The following TENM3 variants were observed in gnomAD, a reference collection of about 807,000 sequenced individuals.
TENM3 encodes teneurin transmembrane protein 3, also known as teneurin-3.
In TENM3, 63 loss-of-function variants were observed where a neutral mutation model predicts 255.1. The ratio of observed to expected loss-of-function variants is 0.25; its 90% CI spans 0.20 to 0.30. The LOEUF (loss-of-function observed/expected upper bound fraction) is 0.30, where lower values mean the gene tolerates loss of function less well. Among genes scored for constraint, TENM3 ranks in the 10% least tolerant of loss-of-function variants. TENM3 has a pLI of 1.00. For synonymous variants in TENM3, 1,306 were observed against 1,322.3 expected (o/e 0.99, Z 0.27); for missense variants, 2,929 against 3,461.1 (o/e 0.85, Z 3.86).
At chr4:182,779,629 G>A (rs986621673) in intron 24 of TENM3, among the ~76,000 whole-genome samples, 6 of 152,106 alleles carry the variant, frequency 3.9e-5, no homozygotes, top group East Asian at 1.9e-4. Flanking sequence ...CTGAGGAATC[G>A]CCACACTGAC....
At chr4:181,668,156 T>C in the TENM3 span, among the ~76,000 whole-genome samples, 11 of 152,174 alleles carry the variant, frequency 7.2e-5, no homozygotes, top group Non-Finnish European at 8.8e-5. Flanking sequence ...TGGATGAATA[T>C]ATGAATATGA....
chr4:181,902,743 A>G, the TENM3 span, among the ~76,000 whole-genome samples: 9 of 152,064 alleles, frequency 5.9e-5, no homozygotes, highest in South Asian at 1.5e-3. Flanking sequence ...GGAGGGGAAC[A>G]TTACATACCA....
chr4:182,094,555 T>C, the TENM3 span, among the ~76,000 whole-genome samples: 1 of 152,206 alleles, frequency 6.6e-6, no homozygotes, highest in African/African-American at 2.4e-5. Context: ...CAGCCAGCCT[T>C]ATTCTTAAAG....
the TENM3 span, among the ~76,000 whole-genome samples, chr4:181,860,869 CT>C: frequency 6.6e-6 from 1 of 152,006 alleles, no homozygotes; most frequent in Non-Finnish European, 1.5e-5. Context: ...ATTCAGCTGG[CT>C]TTGGAGATTT....
chr4:181,849,930 T>TTCTCTCTCTCTCTC, the TENM3 span, among the ~76,000 whole-genome samples: 22 of 84,088 alleles, frequency 2.6e-4, no homozygotes, highest in East Asian at 8.5e-4. Flanking sequence ...CTCTCTCTCT[T>TTCTCTCTCTCTCTC]TCTCTCTCTC....
At chr4:182,428,187 A>G (rs773066610) in intron 3 of TENM3, among the ~76,000 whole-genome samples, 14 of 152,218 alleles carry the variant, frequency 9.2e-5, no homozygotes, top group Non-Finnish European at 1.9e-4. Context: ...GCTTTTGGAA[A>G]GTAAAGATTT....
At chr4:182,719,934 G>A (rs996692320) in intron 13 of TENM3, among the ~76,000 whole-genome samples, 21 of 151,898 alleles carry the variant, frequency 1.4e-4, no homozygotes, top group African/African-American at 4.8e-4. Flanking sequence ...GGTGGCACAC[G>A]CCTGTAGTCC....
intron 1 of TENM3, among the ~76,000 whole-genome samples, chr4:182,154,937 G>T (rs1407404157): frequency 2.0e-5 from 3 of 152,150 alleles, no homozygotes; most frequent in Admixed American, 2.0e-4. Flanking sequence ...ACAATTGTTT[G>T]CACAGCATAA....
chr4:182,308,060 C>T lies in TENM3; in HGVS notation c.-75-15886C>T, dbSNP rs761697675. Among the ~76,000 whole-genome samples the T allele has an allele frequency of 3.3e-5, 5 of 152,302 alleles. No individual in the cohort carries two copies. The South Asian group carries it at 6.2e-4, about 19-fold the overall frequency. Reference sequence around the variant, plus strand: ...GACTAGGTCCATTTTAATCCTCTGCCGTGGTTTATAACTACCACTAGTAAC... The same window carrying T: ...GACTAGGTCCATTTTAATCCTCTGCTGTGGTTTATAACTACCACTAGTAAC... On this transcript the variant is annotated intron_variant, in intron 1 of 27. Transcript: ENST00000511685.
In TENM3 at chr4:182,753,306, G is replaced by A. The variant is rs1473495569; in HGVS notation, c.3863-144G>A. The A allele has an allele frequency of 6.1e-5, 38 of 624,158 alleles. No homozygotes were observed. The Admixed American group carries it at 7.6e-4, about 13-fold the overall frequency. The allele number at this position is 624,158 out of a possible 1,614,324, so 38.7% of individuals were successfully genotyped here. On this transcript the variant is annotated intron_variant, in intron 20 of 27. Coordinates refer to ENST00000511685, the MANE Select transcript of TENM3 (RefSeq NM_001080477.4). ...AATGCCTGTGTTGGTTTTTTCTAAC[G>A]TGTTTGCAATCTGCAGTCCTACCTG... is the stretch of plus-strand genomic sequence containing the variant.
At chr4:182,054,591 A>G in the TENM3 span, among the ~76,000 whole-genome samples, 6 of 152,128 alleles carry the variant, frequency 3.9e-5, no homozygotes, top group African/African-American at 1.2e-4. Context: ...AAATAACTAA[A>G]AGAATGTCAT....
At chr4:182,314,157 C>T (rs180793315) in intron 1 of TENM3, among the ~76,000 whole-genome samples, 3 of 152,142 alleles carry the variant, frequency 2.0e-5, no homozygotes, top group East Asian at 3.9e-4. Flanking sequence ...AAAAATTAGC[C>T]GGGCGCTTTG....
At chr4:182,738,215 G>C (rs1761320339) in intron 17 of TENM3, among the ~76,000 whole-genome samples, 186 bp from the exon 18 acceptor site, 1 of 152,022 alleles carries the variant, frequency 6.6e-6, no homozygotes, top group African/African-American at 2.4e-5. Flanking sequence ...ATAATATTTG[G>C]AGATCTTTTT....
At chr4:181,949,517 C>A in the TENM3 span, among the ~76,000 whole-genome samples, 1 of 152,124 alleles carries the variant, frequency 6.6e-6, no homozygotes, top group Non-Finnish European at 1.5e-5. Context: ...GAAATCAGAC[C>A]TCCCTTTCTT....
intron 1 of TENM3, among the ~76,000 whole-genome samples, chr4:182,263,505 C>A (rs1759010442): frequency 6.6e-6 from 1 of 152,132 alleles, no homozygotes. Context: ...AACTGCTGTT[C>A]TCTTTGGATT....
At chr4:181,504,185 G>T in the TENM3 span, among the ~76,000 whole-genome samples, 1 of 152,142 alleles carries the variant, frequency 6.6e-6, no homozygotes, top group African/African-American at 2.4e-5. Context: ...CAGCCATTCT[G>T]AATAGAAGCA....
rs765197954 is a variant in TENM3 at position 182,800,312 on chromosome 4, C to T, written c.8061C>T (p.Asn2687=). 3 of 1,593,976 alleles carry T rather than the reference C, an allele frequency of 1.9e-6. No individual in the cohort carries two copies. Among genetic ancestry groups the T allele is most frequent in the South Asian group, 2.2e-5 (2 of 89,890 alleles). The change falls in exon 28 of 28, where the codon AAC becomes AAT. Residue 2687 remains asparagine, a synonymous_variant. Transcript: ENST00000511685. ...CCGAGCTGGCCGACAGCGCCAACAA[C>T]ATCCAGTTCCTGCGGCAGAGCGAGA... ...QYPELADSAN[N]IQFLRQSEIG...
the TENM3 span, among the ~76,000 whole-genome samples, chr4:181,933,949 T>A: frequency 6.6e-6 from 1 of 152,204 alleles, no homozygotes; most frequent in Non-Finnish European, 1.5e-5. Flanking sequence ...GCTATCTTTA[T>A]TTAATATGCT....
intron 1 of TENM3, among the ~76,000 whole-genome samples, chr4:182,193,985 A>G (rs2149797135): frequency 6.6e-6 from 1 of 152,330 alleles, no homozygotes; most frequent in East Asian, 1.9e-4. Flanking sequence ...GGCGTCCACA[A>G]CTTCATGGCC....
Sources: gnomAD v4.1 joint callset for allele counts (sites outside exome capture counted in the v4.1 genomes callset) on GRCh38, gnomAD v4.1.1 for gene constraint, MANE v1.5 for transcripts, NCBI Gene and HGNC (gene_info 2026-07-23, HGNC 2026-07-21) for gene names.